Variants in CYP4X1 observed in about 807,000 individuals in gnomAD.
CYP4X1 encodes cytochrome P450 family 4 subfamily X member 1, also known as cytochrome P450 4X1.
A neutral mutation model predicts 57.9 loss-of-function variants in CYP4X1; 44 were observed. That is an observed-to-expected ratio of 0.76 (90% CI 0.60 to 0.98). CYP4X1 has a LOEUF of 0.98. Among genes scored for constraint, CYP4X1 ranks in the 50% least tolerant of loss-of-function variants. The probability of loss-of-function intolerance (pLI) is 0.00; values close to 1 mark genes in which losing one functional copy is unlikely to be tolerated. For synonymous variants in CYP4X1, 227 were observed against 228.6 expected (o/e 0.99, Z 0.06); for missense variants, 532 against 623.9 (o/e 0.85, Z 1.57).
At chr1:46,991,773 G>A in the CYP4X1 span, among the ~76,000 whole-genome samples, 3 of 150,378 alleles carry the variant, frequency 2.0e-5, no homozygotes, top group Non-Finnish European at 4.4e-5. Context: ...TACGCTGGCC[G>A]GCGACTCGGA....
chr1:47,030,964 G>A (rs1644117899), intron 2 of CYP4X1, among the ~76,000 whole-genome samples: 1 of 152,190 alleles, frequency 6.6e-6, no homozygotes, highest in Non-Finnish European at 1.5e-5. Context: ...TGGCAAGTCT[G>A]GTAATGCCAG....
the CYP4X1 span, among the ~76,000 whole-genome samples, chr1:46,976,068 G>GTA: frequency 6.6e-6 from 1 of 152,036 alleles, no homozygotes; most frequent in Non-Finnish European, 1.5e-5. Flanking sequence ...TCCAGCTGAG[G>GTA]TACCTGGTTC....
the CYP4X1 span, among the ~76,000 whole-genome samples, chr1:47,007,325 G>A: frequency 6.6e-6 from 1 of 152,324 alleles, no homozygotes; most frequent in East Asian, 1.9e-4. Context: ...AGGGTCTGGA[G>A]TGGACCTCCA....
At chr1:47,001,589 C>G in the CYP4X1 span, among the ~76,000 whole-genome samples, 1 of 152,186 alleles carries the variant, frequency 6.6e-6, no homozygotes, top group African/African-American at 2.4e-5. Context: ...TGTTGCCCCA[C>G]CTGCCTCCCA....
the CYP4X1 span, among the ~76,000 whole-genome samples, chr1:46,990,022 T>C: frequency 2.6e-5 from 4 of 152,176 alleles, no homozygotes; most frequent in African/African-American, 4.8e-5. Context: ...CCAAAAGCAA[T>C]GGCAACAAAA....
chr1:47,033,399 T>C, intron 4 of CYP4X1, 31 bp downstream of exon 4: 1 of 1,612,118 alleles, frequency 6.2e-7, no homozygotes, highest in South Asian at 1.1e-5. Flanking sequence ...CTCTGTGCAT[T>C]GCGAAATGCT....
intron 5 of CYP4X1, 28 bp from the exon 6 acceptor site, chr1:47,035,989 A>G: frequency 6.2e-7 from 1 of 1,610,904 alleles, no homozygotes. Context: ...GTTGTTTATT[A>G]ACACATTATC....
chr1:47,012,595 C>A, the CYP4X1 span, among the ~76,000 whole-genome samples: 1 of 151,922 alleles, frequency 6.6e-6, no homozygotes, highest in African/African-American at 2.4e-5. Context: ...AAAGAAAAAA[C>A]CAGACTGAAA....
chr1:47,003,629 A>T, the CYP4X1 span, among the ~76,000 whole-genome samples: 1 of 152,148 alleles, frequency 6.6e-6, no homozygotes, highest in African/African-American at 2.4e-5. Context: ...GGCACATCAC[A>T]GGGCAAAGCC....
At chr1:47,004,491 C>T in the CYP4X1 span, among the ~76,000 whole-genome samples, 1 of 152,218 alleles carries the variant, frequency 6.6e-6, no homozygotes, top group Non-Finnish European at 1.5e-5. Context: ...CACCTAAACC[C>T]AGAGGCAACT....
At chr1:46,980,355 C>A in the CYP4X1 span, among the ~76,000 whole-genome samples, 1 of 152,118 alleles carries the variant, frequency 6.6e-6, no homozygotes, top group African/African-American at 2.4e-5. Context: ...AGAGGCAAAT[C>A]ATGAATGAAC....
At chr1:47,036,368 T>TATATATATATATATATATATATATA (rs1553152512) in intron 6 of CYP4X1, among the ~76,000 whole-genome samples, 197 bp downstream of exon 6, 1 of 75,652 alleles carries the variant, frequency 1.3e-5, no homozygotes, top group Non-Finnish European at 2.6e-5. Flanking sequence ...TTATCAGAAT[T>TATATATATATATATATATATATATA]TTTATATATA....
the CYP4X1 span, among the ~76,000 whole-genome samples, chr1:46,968,374 C>A: frequency 4.0e-4 from 61 of 152,320 alleles, 4 homozygotes; most frequent in Non-Finnish European, 5.9e-5. Flanking sequence ...CCCTCCCATG[C>A]TCTTCATCAC....
the CYP4X1 span, among the ~76,000 whole-genome samples, chr1:47,002,049 T>C: frequency 1.3e-5 from 2 of 152,220 alleles, no homozygotes; most frequent in Non-Finnish European, 1.5e-5. Context: ...ACAGTTATAA[T>C]TGAGTGCCTA....
At chr1:47,012,087 C>T in the CYP4X1 span, among the ~76,000 whole-genome samples, 1 of 152,320 alleles carries the variant, frequency 6.6e-6, no homozygotes, top group Admixed American at 6.5e-5. Flanking sequence ...ATAAATCACG[C>T]TGCTATAAAG....
At chr1:47,025,835 G>A (rs1216611205) in intron 1 of CYP4X1, among the ~76,000 whole-genome samples, 2 of 152,138 alleles carry the variant, frequency 1.3e-5, no homozygotes, top group African/African-American at 2.4e-5. Context: ...TGGACTGGTT[G>A]TTCTTTAAGC....
the CYP4X1 span, among the ~76,000 whole-genome samples, chr1:46,997,922 G>A: frequency 1.2e-4 from 19 of 152,068 alleles, no homozygotes; most frequent in Admixed American, 1.2e-3. Flanking sequence ...TATCTCTGTG[G>A]TTTTAATTTG....
chr1:46,986,638 G>A, the CYP4X1 span, among the ~76,000 whole-genome samples: 235 of 152,258 alleles, frequency 1.5e-3, 2 homozygotes, highest in African/African-American at 4.7e-3. Context: ...TAGAGAGAAA[G>A]GTCGGGTTAC....
the CYP4X1 span, among the ~76,000 whole-genome samples, chr1:46,992,699 G>A: frequency 6.6e-6 from 1 of 152,152 alleles, no homozygotes; most frequent in Non-Finnish European, 1.5e-5. Context: ...GAATAATGGT[G>A]CCATGAACAT....
Sources: allele counts gnomAD v4.1 joint callset (sites outside exome capture counted in the v4.1 genomes callset), GRCh38; gene constraint gnomAD v4.1.1; transcripts MANE v1.5; gene names NCBI Gene and HGNC (gene_info 2026-07-23, HGNC 2026-07-21).